Variants in ANO10 observed in about 807,000 individuals in gnomAD.
The protein encoded by ANO10 is anoctamin 10, also known as anoctamin-10.
Under a neutral mutation model 74.7 loss-of-function variants are expected in ANO10, and 77 were observed. The observed-to-expected ratio is 1.03, with a 90% CI of 0.86 to 1.25. The LOEUF (loss-of-function observed/expected upper bound fraction) is 1.25. Ranked by LOEUF, ANO10 falls within the 50% of genes most tolerant of loss-of-function variation. ANO10 has a pLI of 0.00. For synonymous variants in ANO10, 279 were observed against 284.9 expected, an observed-to-expected ratio of 0.98 and a Z score of 0.21; for missense variants, 721 against 778.1, an observed-to-expected ratio of 0.93 and a Z score of 0.87.
chr3:43,577,557 C>G (rs2081073433), intron 5 of ANO10, among the ~76,000 whole-genome samples: 1 of 152,168 alleles, frequency 6.6e-6, no homozygotes, highest in Non-Finnish European at 1.5e-5. Flanking sequence ...AAGGAAAACT[C>G]ATCTTGTAGC....
intron 11 of ANO10, among the ~76,000 whole-genome samples, chr3:43,521,030 C>T (rs1004740111): frequency 6.6e-6 from 1 of 151,988 alleles, no homozygotes; most frequent in Non-Finnish European, 1.5e-5. Context: ...CTCATTTATT[C>T]GTCTGAATTG....
At chr3:43,666,169 T>A (rs1027787511) in intron 1 of ANO10, among the ~76,000 whole-genome samples, 1 of 152,184 alleles carries the variant, frequency 6.6e-6, no homozygotes, top group Non-Finnish European at 1.5e-5. Context: ...AAACCTATAT[T>A]TCAAGCTTTA....
intron 4 of ANO10, among the ~76,000 whole-genome samples, chr3:43,582,222 C>CTT (rs2081293410): frequency 6.6e-6 from 1 of 152,030 alleles, no homozygotes; most frequent in Non-Finnish European, 1.5e-5. Flanking sequence ...GAGGCCAAGG[C>CTT]GGGTGGATCA....
chr3:43,381,973 G>C (rs2091971575), intron 12 of ANO10, among the ~76,000 whole-genome samples: 1 of 152,106 alleles, frequency 6.6e-6, no homozygotes, highest in South Asian at 2.1e-4. Flanking sequence ...ATGATCATTG[G>C]GTCAACAATG....
intron 4 of ANO10, among the ~76,000 whole-genome samples, chr3:43,596,758 C>T (rs1472315161): frequency 6.6e-6 from 1 of 152,180 alleles, no homozygotes; most frequent in Non-Finnish European, 1.5e-5. Context: ...CCAAAATTGA[C>T]AAATGGGATC....
intron 4 of ANO10, among the ~76,000 whole-genome samples, chr3:43,590,127 A>G (rs973966811): frequency 6.6e-6 from 1 of 152,202 alleles, no homozygotes; most frequent in Non-Finnish European, 1.5e-5. Flanking sequence ...AAAAATTGTA[A>G]GATGCTTGGG....
intron 12 of ANO10, among the ~76,000 whole-genome samples, chr3:43,421,177 T>C (rs2092814758): frequency 6.6e-6 from 1 of 151,554 alleles, no homozygotes; most frequent in East Asian, 2.0e-4. Context: ...GAACCCAGAT[T>C]GCGCCACCAC....
intron 1 of ANO10, among the ~76,000 whole-genome samples, chr3:43,649,690 C>G (rs999116679): frequency 1.3e-5 from 2 of 152,152 alleles, no homozygotes; most frequent in Non-Finnish European, 2.9e-5. Context: ...AATCATATAG[C>G]TAATAGGAGA....
intron 11 of ANO10, among the ~76,000 whole-genome samples, chr3:43,471,633 A>G (rs935751835): frequency 6.6e-6 from 1 of 152,158 alleles, no homozygotes; most frequent in African/African-American, 2.4e-5. Flanking sequence ...AAAAGAAAGA[A>G]AAAGAAAACA....
At position 43,577,154 on chromosome 3, in the gene ANO10, A is replaced by C; in HGVS notation, c.700T>G (p.Leu234Val). ...PMAVIGLPYY[L>V]FVWEDYDKYV... ...TTGTCATAGTCTTCCCACACAAACA[A>C]GTAGTAAGGTAACCCAATGACAGCC... The change falls in exon 6 of 13, where the codon TTG becomes GTG. Residue 234 changes from leucine (L) to valine (V), a missense_variant. Coordinates refer to ENST00000292246, the MANE Select transcript of ANO10 (RefSeq NM_018075.5). 2 of 1,614,170 alleles carry C rather than the reference A, an allele frequency of 1.2e-6. No individual in the cohort carries two copies. The highest frequency in any genetic ancestry group is 1.7e-6 in the Non-Finnish European group (2 of 1,180,026).
intron 11 of ANO10, among the ~76,000 whole-genome samples, chr3:43,512,846 G>A (rs1248484075): frequency 6.6e-6 from 1 of 152,138 alleles, no homozygotes; most frequent in Admixed American, 6.5e-5. Context: ...ACATCAGGCA[G>A]TGAAGAACTG....
At chr3:43,639,045 C>T (rs1204222318) in intron 1 of ANO10, 1 of 152,288 alleles carries the variant, frequency 6.6e-6, no homozygotes, top group Non-Finnish European at 1.5e-5. Flanking sequence ...ATCTCTCCAC[C>T]AGGCTGCTCA....
intron 11 of ANO10, among the ~76,000 whole-genome samples, chr3:43,441,857 A>G (rs2093165181): frequency 6.6e-6 from 1 of 152,218 alleles, no homozygotes; most frequent in Non-Finnish European, 1.5e-5. Context: ...CAACATATGT[A>G]AACCAATCAA....
intron 12 of ANO10, among the ~76,000 whole-genome samples, chr3:43,421,819 C>T (rs778277081): frequency 1.4e-5 from 2 of 146,848 alleles, no homozygotes; most frequent in East Asian, 2.0e-4. Context: ...GCCTGAGTGA[C>T]GGAGTAAGAC....
rs1186424719 is a variant in ANO10 at position 43,597,941 on chromosome 3, C to CA, written c.472+590dup. 4.7e-4 allele frequency among the ~76,000 whole-genome samples: 71 copies of CA among 149,918 alleles called. No individual in the cohort carries two copies. In the East Asian group the frequency reaches 7.2e-3, roughly 15 times the overall value. On this transcript the variant is annotated intron_variant, in intron 4 of 12. Coordinates refer to ENST00000292246, the MANE Select transcript of ANO10 (RefSeq NM_018075.5). ...AAAAAAACAAACAAAACAACAACAA[C>CA]AACAAAAAAAACAGACTAGGGGACA...
intron 1 of ANO10, among the ~76,000 whole-genome samples, chr3:43,682,206 G>A (rs1443304019): frequency 6.6e-6 from 1 of 152,042 alleles, no homozygotes; most frequent in African/African-American, 2.4e-5. Flanking sequence ...GAAGAAAAGA[G>A]AGAAGAATCA....
intron 11 of ANO10, among the ~76,000 whole-genome samples, chr3:43,486,880 C>A (rs1358472058): frequency 2.1e-5 from 3 of 144,970 alleles, no homozygotes; most frequent in Admixed American, 6.9e-5. Context: ...CTGTCTTGTG[C>A]CAGTTTTCAA....
At chr3:43,545,370 G>T (rs573591636) in intron 11 of ANO10, among the ~76,000 whole-genome samples, 81 of 151,256 alleles carry the variant, frequency 5.4e-4, no homozygotes, top group East Asian at 3.1e-3. Context: ...GTTTTTTTTT[G>T]TTTGTTTGTT....
At chr3:43,368,526 A>G (rs2091489406) in intron 12 of ANO10, among the ~76,000 whole-genome samples, 1 of 152,104 alleles carries the variant, frequency 6.6e-6, no homozygotes, top group South Asian at 2.1e-4. Flanking sequence ...TGCATCTGCT[A>G]CCTCTTCCAT....
Sources: gnomAD v4.1 joint callset for allele counts (sites outside exome capture counted in the v4.1 genomes callset) on GRCh38, gnomAD v4.1.1 for gene constraint, MANE v1.5 for transcripts, NCBI Gene and HGNC (gene_info 2026-07-23, HGNC 2026-07-21) for gene names.